The following RCOR1 variants were observed in gnomAD, a reference collection of about 807,000 sequenced individuals.
RCOR1 encodes the protein REST corepressor 1, also known as REST corepressor.
Under a neutral mutation model 64.0 loss-of-function variants are expected in RCOR1, and 12 were observed. The observed-to-expected ratio is 0.19, with a 90% CI of 0.12 to 0.30. The LOEUF (loss-of-function observed/expected upper bound fraction) is 0.30, where lower values mean the gene tolerates loss of function less well. RCOR1 is among the 10% of genes least tolerant of loss of function. The pLI, the probability that RCOR1 is intolerant of heterozygous loss-of-function variation, is 1.00. For missense variants in RCOR1, 502 were observed against 621.2 expected (o/e 0.81, Z 2.04); for synonymous variants, 279 against 227.2 (o/e 1.23, Z -2.05).
intron 2 of RCOR1, chr14:102,657,904 A>T (rs1270745620): frequency 9.1e-6 from 9 of 984,062 alleles, no homozygotes; most frequent in Non-Finnish European, 1.1e-5. Context: ...GTTTCCCATT[A>T]TATTGCCTCT....
intron 11 of RCOR1, 27 bp downstream of exon 11, chr14:102,722,443 C>T (rs751602801): frequency 6.4e-7 from 1 of 1,571,248 alleles, no homozygotes; most frequent in Admixed American, 1.7e-5. Flanking sequence ...ACAGTCACTT[C>T]TCTTGTCAGG....
At chr14:102,718,041 C>T (rs1896100041) in intron 8 of RCOR1, among the ~76,000 whole-genome samples, 1 of 152,114 alleles carries the variant, frequency 6.6e-6, no homozygotes, top group South Asian at 2.1e-4. Flanking sequence ...ACAGCAAACT[C>T]GACTAACAAC....
chr14:102,597,034 G>A (rs1893266701), intron 2 of RCOR1, among the ~76,000 whole-genome samples: 1 of 150,118 alleles, frequency 6.7e-6, no homozygotes, highest in Non-Finnish European at 1.5e-5. Flanking sequence ...CACCATGCCT[G>A]GCTAATTTTT....
intron 2 of RCOR1, among the ~76,000 whole-genome samples, chr14:102,597,868 G>T (rs1893295743): frequency 6.6e-6 from 1 of 151,142 alleles, no homozygotes; most frequent in South Asian, 2.1e-4. Flanking sequence ...TCAGGCTGGG[G>T]TGCAATGGCA....
Position 102,726,452 on chromosome 14 carries a change from T to TTC in RCOR1, c.1420-15_1420-14dup. 6.3e-7 allele frequency: 1 copy of TTC among 1,579,818 alleles called. No individual in the cohort carries two copies. Among genetic ancestry groups the TTC allele is most frequent in the South Asian group, 1.2e-5 (1 of 86,380 alleles). Reference sequence around the variant, plus strand: ...CTCTTTGATCCTTTTTTTTTTTTTTTTCCTCTTGGCCTCAGGCTCCTGTTC... The same window carrying TTC: ...CTCTTTGATCCTTTTTTTTTTTTTTTTCTCCTCTTGGCCTCAGGCTCCTGTTC... On this transcript the variant is annotated splice_polypyrimidine_tract_variant and intron_variant, in intron 11 of 11. Coordinates refer to ENST00000262241, the MANE Select transcript of RCOR1 (RefSeq NM_015156.4).
intron 2 of RCOR1, among the ~76,000 whole-genome samples, chr14:102,675,795 C>A (rs1443456648): frequency 6.6e-6 from 1 of 152,214 alleles, no homozygotes; most frequent in African/African-American, 2.4e-5. Flanking sequence ...CCTCACACTT[C>A]TAGACCCTGG....
Position 102,606,154 on chromosome 14 carries a change from G to A in RCOR1, c.361+12829G>A, listed in dbSNP as rs1331127826. On this transcript the variant is annotated intron_variant, in intron 2 of 11. Transcript: ENST00000262241. ...TTGGGCAGGCTGGCCTTGAACTCCC[G>A]ACCTCAAGTGATCTGCCTGCTTCGG... is the stretch of plus-strand genomic sequence containing the variant. Among the ~76,000 whole-genome samples the A allele has an allele frequency of 2.6e-5, 4 of 152,140 alleles. No homozygotes were observed. The East Asian group carries it at 5.8e-4, about 22-fold the overall frequency.
At chr14:102,615,604 A>G (rs1001083247) in intron 2 of RCOR1, among the ~76,000 whole-genome samples, 1 of 151,942 alleles carries the variant, frequency 6.6e-6, no homozygotes, top group Non-Finnish European at 1.5e-5. Flanking sequence ...GTGCACCACC[A>G]TGCCTAGCTA....
rs1893731664 is a variant in RCOR1, at chr14:102,615,157, A to G, written c.361+21832A>G. On this transcript the variant is annotated intron_variant, in intron 2 of 11. Coordinates refer to ENST00000262241, the MANE Select transcript of RCOR1 (RefSeq NM_015156.4). ...CCCCGCCCCCACCTTTTTTTGAGAC[A>G]GAGTCTTATTCTCACCCAGCCTGGA... Among the ~76,000 whole-genome samples the G allele has an allele frequency of 3.4e-5, 3 of 87,374 alleles. No individual in the cohort carries two copies. The South Asian group carries it at 1.0e-3, about 29-fold the overall frequency. The allele number at this position is 87,374 out of a possible 152,430, so 57.3% of individuals were successfully genotyped here. A position where few individuals can be genotyped will look rare whatever the true frequency, so the allele number is the denominator to read the frequency against.
At chr14:102,629,513 T>G (rs1449198027) in intron 2 of RCOR1, among the ~76,000 whole-genome samples, 6 of 151,996 alleles carry the variant, frequency 3.9e-5, no homozygotes, top group African/African-American at 1.2e-4. Flanking sequence ...AGTTTTCTGT[T>G]TATTTAAAAA....
chr14:102,668,810 G>T (rs1054466239), intron 2 of RCOR1, among the ~76,000 whole-genome samples: 1 of 151,986 alleles, frequency 6.6e-6, no homozygotes, highest in African/African-American at 2.4e-5. Context: ...TAAATTCTTC[G>T]TGAAATCGCT....
At chr14:102,651,595 G>A (rs2403072) in intron 2 of RCOR1, among the ~76,000 whole-genome samples, 152,113 of 152,126 alleles carry the variant, frequency 1, 76,050 homozygotes, top group Middle Eastern at 1. Context: ...AAAATAGCTT[G>A]AGAGACTAGA....
intron 2 of RCOR1, among the ~76,000 whole-genome samples, chr14:102,600,484 C>T (rs1447607374): frequency 6.6e-6 from 1 of 152,044 alleles, no homozygotes; most frequent in African/African-American, 2.4e-5. Context: ...TCACTGCAAC[C>T]TCTGTCTCCC....
intron 2 of RCOR1, among the ~76,000 whole-genome samples, chr14:102,664,697 T>C (rs2139943148): frequency 6.6e-6 from 1 of 152,212 alleles, no homozygotes; most frequent in East Asian, 1.9e-4. Flanking sequence ...CTAAAATTTT[T>C]CATTAATTGG....
At chr14:102,712,826 A>G (rs900664953) in intron 7 of RCOR1, among the ~76,000 whole-genome samples, 4 of 150,768 alleles carry the variant, frequency 2.7e-5, no homozygotes, top group Admixed American at 2.0e-4. Context: ...GTGTTGATGT[A>G]TTGCTATTTA....
chr14:102,724,563 T>A (rs575894770), intron 11 of RCOR1, among the ~76,000 whole-genome samples: 4 of 152,258 alleles, frequency 2.6e-5, no homozygotes, highest in Admixed American at 2.6e-4. Flanking sequence ...AAACTGCTGA[T>A]CTCAAGTGAT....
intron 2 of RCOR1, among the ~76,000 whole-genome samples, chr14:102,653,445 C>T (rs1013501443): frequency 6.6e-6 from 1 of 152,140 alleles, no homozygotes; most frequent in Non-Finnish European, 1.5e-5. Context: ...GCCTCGGCTT[C>T]CCAAAGCGTT....
intron 2 of RCOR1, among the ~76,000 whole-genome samples, chr14:102,676,476 C>A (rs1895159761): frequency 1.0e-5 from 1 of 98,090 alleles, no homozygotes; most frequent in Non-Finnish European, 2.0e-5. Context: ...GCTGACCCCC[C>A]CACCTCCCTC....
intron 4 of RCOR1, among the ~76,000 whole-genome samples, chr14:102,702,066 A>T (rs997638825): frequency 9.2e-5 from 14 of 152,180 alleles, no homozygotes; most frequent in Admixed American, 8.5e-4. Context: ...AGCTTTAATG[A>T]TTTATTTTAA....
Sources: allele counts gnomAD v4.1 joint callset (sites outside exome capture counted in the v4.1 genomes callset), GRCh38; gene constraint gnomAD v4.1.1; transcripts MANE v1.5; gene names NCBI Gene and HGNC (gene_info 2026-07-23, HGNC 2026-07-21).